The following GYS2 variants were observed in gnomAD, a reference collection of about 807,000 sequenced individuals.
The protein encoded by GYS2 is glycogen synthase 2.
In GYS2, 80 loss-of-function variants were observed where a neutral mutation model predicts 85.6. The ratio of observed to expected loss-of-function variants is 0.93; its 90% CI spans 0.78 to 1.13. The LOEUF (loss-of-function observed/expected upper bound fraction) is 1.13. Ranked by LOEUF, GYS2 falls within the 50% of genes most tolerant of loss-of-function variation. The pLI, the probability that GYS2 is intolerant of heterozygous loss-of-function variation, is 0.00. For missense variants in GYS2, 881 were observed against 854.9 expected, an observed-to-expected ratio of 1.03 and a Z score of -0.38; for synonymous variants, 328 against 300.7, an observed-to-expected ratio of 1.09 and a Z score of -0.94.
chr12:21,548,074 C>T (rs1251822990), intron 11 of GYS2, among the ~76,000 whole-genome samples: 1 of 136,708 alleles, frequency 7.3e-6, no homozygotes, highest in Non-Finnish European at 1.6e-5. Context: ...ATAGCTCTGA[C>T]ATAAATGTTG....
At chr12:21,545,048 C>A (rs1944021935) in intron 12 of GYS2, among the ~76,000 whole-genome samples, 1 of 152,202 alleles carries the variant, frequency 6.6e-6, no homozygotes, top group Non-Finnish European at 1.5e-5. Context: ...GCCTCTGCTG[C>A]TCCTTACTTG....
intron 12 of GYS2, 38 bp from the exon 13 acceptor site, chr12:21,542,629 A>T: frequency 7.2e-7 from 1 of 1,380,416 alleles, no homozygotes; most frequent in South Asian, 1.2e-5. Context: ...GCTTCAGACC[A>T]GCGCCTATAT....
At chr12:21,582,612 TATAGATATAG>T (rs1222325437) in intron 1 of GYS2, among the ~76,000 whole-genome samples, 2 of 151,586 alleles carry the variant, frequency 1.3e-5, no homozygotes, top group Non-Finnish European at 2.9e-5. Context: ...TAGATATAGA[TATAGATATAG>T]ATATAGATAT....
In GYS2 at chr12:21,574,152, G is replaced by T; in HGVS notation, c.670C>A (p.Leu224Ile). ...GAGGAAGGAATATTTACCTTATCAAGATGGTTGTAGAAATCAATATTTGCT... is the reference window on the plus strand; with the variant it reads ...GAGGAAGGAATATTTACCTTATCAATATGGTTGTAGAAATCAATATTTGCT... Reference protein sequence around the residue: ...CAANIDFYNHLDKFNIDKEAG... With the variant: ...CAANIDFYNHIDKFNIDKEAG... The change falls in exon 4 of 16, where the codon CTT becomes ATT. Residue 224 changes from leucine (L) to isoleucine (I), a missense_variant. Coordinates refer to ENST00000261195, the MANE Select transcript of GYS2 (RefSeq NM_021957.4). The T allele has an allele frequency of 6.2e-7, 1 of 1,609,522 alleles. No homozygotes were observed. The highest frequency in any genetic ancestry group is 2.2e-5 in the East Asian group (1 of 44,856).
At chr12:21,576,779 T>C (rs1944452001) in intron 2 of GYS2, among the ~76,000 whole-genome samples, 1 of 152,194 alleles carries the variant, frequency 6.6e-6, no homozygotes, top group South Asian at 2.1e-4. Context: ...CATATCCAAG[T>C]TTTAACTTCC....
intron 3 of GYS2, among the ~76,000 whole-genome samples, chr12:21,574,869 G>T (rs181215287): frequency 1.2e-3 from 184 of 151,284 alleles, no homozygotes; most frequent in Non-Finnish European, 1.9e-3. Context: ...TTATGGAGAA[G>T]CAAATGTTGC....
In GYS2 at chr12:21,547,022, C is replaced by T. The variant is rs144729308; in HGVS notation, c.1423-552G>A. ...CTCTCTCAGCTAGAGACCATCACCTCCTAACATACTTGCCTGCTTCTTTCT... is the reference window on the plus strand; with the variant it reads ...CTCTCTCAGCTAGAGACCATCACCTTCTAACATACTTGCCTGCTTCTTTCT... On this transcript the variant is annotated intron_variant, in intron 11 of 15. Coordinates refer to ENST00000261195, the MANE Select transcript of GYS2 (RefSeq NM_021957.4). Among the ~76,000 whole-genome samples, 962 of 152,288 alleles carry T rather than the reference C, an allele frequency of 6.3e-3. 6 individuals carry two copies. Among genetic ancestry groups the T allele is most frequent in the Admixed American group, 9.3e-3 (142 of 15,294 alleles).
chr12:21,568,160 G>T (rs561964863), intron 5 of GYS2, among the ~76,000 whole-genome samples: 1 of 152,068 alleles, frequency 6.6e-6, no homozygotes, highest in Non-Finnish European at 1.5e-5. Flanking sequence ...TAACAATTCA[G>T]TGTAGTTTAA....
intron 1 of GYS2, among the ~76,000 whole-genome samples, chr12:21,587,832 T>C (rs1944591480): frequency 6.6e-6 from 1 of 152,076 alleles, no homozygotes; most frequent in African/African-American, 2.4e-5. Flanking sequence ...CAAATGGATG[T>C]CATGAGGAGG....
At chr12:21,571,937 G>C (rs1181417045) in intron 4 of GYS2, among the ~76,000 whole-genome samples, 1 of 128,992 alleles carries the variant, frequency 7.8e-6, no homozygotes, top group African/African-American at 2.9e-5. Flanking sequence ...ACTCTAGCCT[G>C]GCGACAGAGC....
At chr12:21,585,225 G>T (rs181556077) in intron 1 of GYS2, among the ~76,000 whole-genome samples, 90 of 152,276 alleles carry the variant, frequency 5.9e-4, no homozygotes, top group Non-Finnish European at 1.1e-3. Flanking sequence ...AGAGGTCTTA[G>T]TTCCAGAGGG....
intron 11 of GYS2, among the ~76,000 whole-genome samples, chr12:21,547,959 T>G (rs1252270395): frequency 6.6e-6 from 1 of 152,232 alleles, no homozygotes; most frequent in Non-Finnish European, 1.5e-5. Context: ...ACAATACTCC[T>G]TATTGTGAAT....
chr12:21,534,014 A>G (rs1289762061), downstream of GYS2, among the ~76,000 whole-genome samples: 1 of 152,198 alleles, frequency 6.6e-6, no homozygotes, highest in Non-Finnish European at 1.5e-5. Context: ...GGCTCTGTCC[A>G]CATGATCTAA....
chr12:21,595,829 A>G (rs905399589), intron 1 of GYS2, among the ~76,000 whole-genome samples: 9 of 152,214 alleles, frequency 5.9e-5, no homozygotes, highest in Non-Finnish European at 1.3e-4. Flanking sequence ...TGAGATAGAC[A>G]GCAACACAAT....
Position 21,574,239 on chromosome 12 carries a change from T to A in GYS2, c.583A>T (p.Lys195Ter). The stretch of plus-strand genomic sequence containing the variant: ...GTAAATATTGTGGCAATAGGAAGTT[T>A]CCTGGCTCGAGAAAGGATCAGTCCA... The part of the protein sequence containing the change: ...GIGLILSRAR[K>*]LPIATIFTTH... Residue 195 changes from lysine to a stop codon, truncating the protein, a stop_gained, in exon 4 of 16, where the codon AAA becomes TAA. Transcript: ENST00000261195. LOFTEE classifies it high-confidence loss of function. 2 of 1,613,780 alleles carry A rather than the reference T, an allele frequency of 1.2e-6. No homozygotes were observed. The highest frequency in any genetic ancestry group is 1.7e-6 in the Non-Finnish European group (2 of 1,179,684).
At chr12:21,603,385 T>A (rs1317432658) in intron 1 of GYS2, among the ~76,000 whole-genome samples, 6 of 152,096 alleles carry the variant, frequency 3.9e-5, no homozygotes, top group Non-Finnish European at 1.5e-5. Context: ...TTTGAACAGT[T>A]AGTATAAGGT....
At chr12:21,537,229 C>T (rs565541312) in intron 15 of GYS2, 54 bp from the exon 16 acceptor site, 8 of 1,267,520 alleles carry the variant, frequency 6.3e-6, no homozygotes, top group African/African-American at 1.5e-5. Flanking sequence ...TGGCTTTCAA[C>T]GATGTAAATA....
intron 11 of GYS2, among the ~76,000 whole-genome samples, chr12:21,549,912 C>T (rs1600123): frequency 1.3e-5 from 2 of 151,986 alleles, no homozygotes; most frequent in Non-Finnish European, 2.9e-5. Context: ...GCAGTTATTT[C>T]GAAGCTGTGT....
At chr12:21,543,515 A>G (rs2054436) in intron 12 of GYS2, among the ~76,000 whole-genome samples, 1 of 151,860 alleles carries the variant, frequency 6.6e-6, no homozygotes, top group Admixed American at 6.6e-5. Context: ...ATTTCCTCAG[A>G]CTTCCTCCTG....
Sources: allele counts gnomAD v4.1 joint callset (sites outside exome capture counted in the v4.1 genomes callset), GRCh38; gene constraint gnomAD v4.1.1; transcripts MANE v1.5; gene names NCBI Gene and HGNC (gene_info 2026-07-23, HGNC 2026-07-21).